MPP4: variants seen among roughly 807,000 people sequenced by gnomAD.
MPP4 encodes MAGUK p55 scaffold protein 4, also known as MAGUK p55 subfamily member 4.
MPP4 carries 91 observed loss-of-function variants against 98.3 expected under a neutral mutation model. The ratio of observed to expected loss-of-function variants is 0.93; its 90% CI spans 0.78 to 1.10. The LOEUF is 1.10. Ranked by LOEUF, MPP4 falls within the 50% of genes least tolerant of loss-of-function variation. The pLI is 0.00. For synonymous variants in MPP4, 261 were observed against 271.8 expected, an observed-to-expected ratio of 0.96 and a Z score of 0.39; for missense variants, 744 against 792.9, an observed-to-expected ratio of 0.94 and a Z score of 0.74.
At chr2:201,667,069 G>C (rs545852118) in intron 12 of MPP4, among the ~76,000 whole-genome samples, 1 of 152,292 alleles carries the variant, frequency 6.6e-6, no homozygotes, top group Non-Finnish European at 1.5e-5. Flanking sequence ...GAAAATGCAC[G>C]AAAAGCTCAG....
In MPP4 at chr2:201,648,800, A is replaced by G. The variant is rs190584102; in HGVS notation, c.1584+776T>C. 6.0e-4 allele frequency among the ~76,000 whole-genome samples: 92 copies of G among 152,286 alleles called. 2 individuals are homozygous for G. In the East Asian group the frequency reaches 0.016, roughly 27 times the overall value. On this transcript the variant is annotated intron_variant, in intron 20 of 21. Transcript: ENST00000409474. ...TGGCTGGGCGCAGTAGCTCATGCCT[A>G]TAATCCCAGCACTTTGGGAGGCTGA...
chr2:201,689,019 TC>T (rs1167511935), intron 4 of MPP4, among the ~76,000 whole-genome samples: 1 of 152,134 alleles, frequency 6.6e-6, no homozygotes, highest in Non-Finnish European at 1.5e-5. Flanking sequence ...TTGATTGTGT[TC>T]AGCTATGTAA....
intron 16 of MPP4, among the ~76,000 whole-genome samples, chr2:201,657,138 GA>G (rs1342454001): frequency 2.0e-5 from 3 of 152,174 alleles, no homozygotes; most frequent in Non-Finnish European, 4.4e-5. Context: ...GAGCAGTTAG[GA>G]AGCTACTGCA....
rs191278919 is a variant in MPP4 at position 201,658,450 on chromosome 2, C to G, written c.1129+27G>C. 7.4e-4 allele frequency: 1,179 copies of G among 1,599,738 alleles called. 2 individuals carry two copies. Among genetic ancestry groups the G allele is most frequent in the Middle Eastern group, 1.7e-3 (10 of 6,042 alleles). On this transcript the variant is annotated intron_variant, in intron 16 of 21. Coordinates refer to ENST00000409474, the MANE Select transcript of MPP4 (RefSeq NM_033066.3). Reference sequence around the variant, plus strand: ...AACATAATTTAACAAGTGACAGAGACCCACCTCTTGTTAATTTATCACCTA... The same window carrying G: ...AACATAATTTAACAAGTGACAGAGAGCCACCTCTTGTTAATTTATCACCTA...
At chr2:201,654,062 C>T (rs1421278507) in intron 18 of MPP4, among the ~76,000 whole-genome samples, 1 of 151,952 alleles carries the variant, frequency 6.6e-6, no homozygotes, top group African/African-American at 2.4e-5. Flanking sequence ...CTGCAACCTC[C>T]GCCTCCCAGG....
At chr2:201,693,787 G>A (rs1240708998) in intron 2 of MPP4, 89 bp downstream of exon 2, 11 of 1,481,048 alleles carry the variant, frequency 7.4e-6, no homozygotes, top group Non-Finnish European at 1.0e-5. Context: ...ATCACAGTAA[G>A]TCTGTCAGGA....
intron 20 of MPP4, among the ~76,000 whole-genome samples, chr2:201,649,071 A>C (rs1559595243): frequency 6.6e-6 from 1 of 152,080 alleles, no homozygotes; most frequent in Non-Finnish European, 1.5e-5. Flanking sequence ...CTCAAAAAAC[A>C]AAACAAACAC....
At chr2:201,664,304 G>A in intron 13 of MPP4, 1 of 1,458,582 alleles carries the variant, frequency 6.9e-7, no homozygotes, top group Non-Finnish European at 9.2e-7. Context: ...TTCGGCAGTT[G>A]AGCCATGATG....
chr2:201,650,468 G>A (rs1378019527), intron 18 of MPP4: 19 of 985,302 alleles, frequency 1.9e-5, no homozygotes, highest in Non-Finnish European at 2.3e-5. Context: ...TGAATTATGT[G>A]TGAACCTTTA....
At chr2:201,660,476 G>C in intron 14 of MPP4, 130 bp from the exon 15 acceptor site, 1 of 957,596 alleles carries the variant, frequency 1.0e-6, no homozygotes. Flanking sequence ...AGGTAACTCG[G>C]GTAAGGCCTG....
At chr2:201,698,448 A>G (rs1385084230) in intron 1 of MPP4, 139 bp downstream of exon 1, 4 of 550,216 alleles carry the variant, frequency 7.3e-6, no homozygotes, top group Non-Finnish European at 1.2e-5. Context: ...TCCCCATATC[A>G]TTTGAGTTAA....
At chr2:201,682,651 G>T (rs1314217304) in intron 8 of MPP4, among the ~76,000 whole-genome samples, 180 bp downstream of exon 8, 1 of 152,152 alleles carries the variant, frequency 6.6e-6, no homozygotes, top group Non-Finnish European at 1.5e-5. Context: ...TCTCGGGGTA[G>T]AGGAGGGAGG....
At chr2:201,662,631 G>T (rs1346202218) in intron 14 of MPP4, among the ~76,000 whole-genome samples, 1 of 151,592 alleles carries the variant, frequency 6.6e-6, no homozygotes. Flanking sequence ...TTCAAGAGAA[G>T]TAAGAAAATC....
chr2:201,679,051 A>T (rs1466000400), intron 10 of MPP4, among the ~76,000 whole-genome samples: 2 of 151,920 alleles, frequency 1.3e-5, no homozygotes, highest in East Asian at 3.9e-4. Context: ...CCTTAATTTT[A>T]ACTTCCAGCA....
Position 201,658,397 on chromosome 2 carries a change from A to C in MPP4, c.1129+80T>G, listed in dbSNP as rs186830596. The C allele has an allele frequency of 1.1e-4, 133 of 1,235,206 alleles. No homozygotes were observed. The African/African-American group carries it at 1.8e-3, about 17-fold the overall frequency. The allele number at this position is 1,235,206 out of a possible 1,614,324, so 76.5% of individuals were successfully genotyped here. On this transcript the variant is annotated intron_variant, in intron 16 of 21. Coordinates refer to ENST00000409474, the MANE Select transcript of MPP4 (RefSeq NM_033066.3). ...GTCTGGAAATGTTCATTAGCAAAAGAAACTTTCAAAACAGTGTCAGGTTTG... is the reference window on the plus strand; with the variant it reads ...GTCTGGAAATGTTCATTAGCAAAAGCAACTTTCAAAACAGTGTCAGGTTTG...
rs1308489386 is a variant in MPP4, at chr2:201,693,007, A to C, written c.102T>G (p.Leu34=). The change falls in exon 3 of 22, where the codon CTT becomes CTG. Residue 34 remains leucine, a synonymous_variant. Coordinates refer to ENST00000409474, the MANE Select transcript of MPP4 (RefSeq NM_033066.3). ...PQNGLSQILR[L]VLQELSLFYG... Reference sequence around the variant, plus strand: ...AGAACAGACTCAGCTCTTGCAGCACAAGCCTCAGGATCTGGGAGAGGCCTA... The same window carrying C: ...AGAACAGACTCAGCTCTTGCAGCACCAGCCTCAGGATCTGGGAGAGGCCTA... The C allele has an allele frequency of 2.5e-6, 4 of 1,612,744 alleles. No homozygotes were observed.
At chr2:201,676,077 TA>T (rs1688501033) in intron 10 of MPP4, among the ~76,000 whole-genome samples, 1 of 152,206 alleles carries the variant, frequency 6.6e-6, no homozygotes, top group Admixed American at 6.5e-5. Context: ...AGCTCTAATT[TA>T]ATCTCTCAAA....
At chr2:201,655,295 A>G (rs957898008) in intron 17 of MPP4, among the ~76,000 whole-genome samples, 3 of 152,164 alleles carry the variant, frequency 2.0e-5, no homozygotes, top group African/African-American at 7.2e-5. Context: ...AGCATCAACA[A>G]TTATAGGTTC....
At chr2:201,657,596 T>TTTG (rs1188358744) in intron 16 of MPP4, among the ~76,000 whole-genome samples, 18 of 116,812 alleles carry the variant, frequency 1.5e-4, no homozygotes, top group Non-Finnish European at 2.6e-4. Context: ...CCTTGTTTTT[T>TTTG]TTTTGTTTTT....
Sources: allele counts gnomAD v4.1 joint callset (sites outside exome capture counted in the v4.1 genomes callset), GRCh38; gene constraint gnomAD v4.1.1; transcripts MANE v1.5; gene names NCBI Gene and HGNC (gene_info 2026-07-23, HGNC 2026-07-21).